BCAS3: variants seen among roughly 807,000 people sequenced by gnomAD.
The protein encoded by BCAS3 is BCAS4/BCAS3 fusion.
Under a neutral mutation model 116.1 loss-of-function variants are expected in BCAS3, and 53 were observed. The ratio of observed to expected loss-of-function variants is 0.46; its 90% CI spans 0.37 to 0.57. BCAS3 has a LOEUF of 0.57. BCAS3 is among the 20% of genes least tolerant of loss of function. The probability of loss-of-function intolerance (pLI) is 0.00; values close to 1 mark genes in which losing one functional copy is unlikely to be tolerated. For missense variants in BCAS3, 917 were observed against 1,165.4 expected (o/e 0.79, Z 3.10); for synonymous variants, 391 against 408.2 (o/e 0.96, Z 0.51).
intron 6 of BCAS3, among the ~76,000 whole-genome samples, chr17:60,793,608 C>T (rs967634926): frequency 2.0e-5 from 3 of 152,050 alleles, no homozygotes; most frequent in African/African-American, 4.8e-5. Context: ...TATGACTTTG[C>T]GTCCTCATAG....
chr17:61,093,217 T>C (rs2073741195), intron 22 of BCAS3, among the ~76,000 whole-genome samples: 1 of 152,142 alleles, frequency 6.6e-6, no homozygotes, highest in Admixed American at 6.5e-5. Flanking sequence ...CCCTCCAGTC[T>C]TGAAGAGATA....
intron 22 of BCAS3, among the ~76,000 whole-genome samples, chr17:61,350,414 C>CAATAAATG (rs1555844783): frequency 3.7e-5 from 5 of 136,760 alleles, no homozygotes; most frequent in South Asian, 2.5e-4. Flanking sequence ...GACTCTGTCT[C>CAATAAATG]AATAAATAAA....
chr17:60,962,340 A>G lies in BCAS3; in HGVS notation c.1221+14988A>G, dbSNP rs2061451101. 6.6e-6 allele frequency among the ~76,000 whole-genome samples: 1 copy of G among 152,172 alleles called. No homozygotes were observed. Among genetic ancestry groups the G allele is most frequent in the Non-Finnish European group, 1.5e-5 (1 of 68,030 alleles). On this transcript the variant is annotated intron_variant, in intron 14 of 23. Coordinates refer to ENST00000407086, the MANE Select transcript of BCAS3 (RefSeq NM_017679.5). This position sits in a 1 kb window ranked among gnomAD's most constrained non-coding sequence, Gnocchi z 4.4. ...GTCTCTTCTCCACATTCTCACCAGC[A>G]TCTTTTATTGATTGTCCTTTTGATA...
At chr17:61,246,117 C>T (rs1005457663) in intron 22 of BCAS3, among the ~76,000 whole-genome samples, 4 of 152,112 alleles carry the variant, frequency 2.6e-5, no homozygotes, top group African/African-American at 7.2e-5. Context: ...GAGAGTCTTA[C>T]AACTATCACG....
chr17:60,881,239 G>T (rs1206738069), intron 9 of BCAS3, among the ~76,000 whole-genome samples: 1 of 152,024 alleles, frequency 6.6e-6, no homozygotes, highest in Non-Finnish European at 1.5e-5. Flanking sequence ...CTCCCAAAGT[G>T]CTGGGATTAC....
chr17:61,231,498 T>C (rs899372967), intron 22 of BCAS3, among the ~76,000 whole-genome samples: 2 of 151,996 alleles, frequency 1.3e-5, no homozygotes, highest in African/African-American at 4.8e-5. Flanking sequence ...TACAAAGCTG[T>C]TTTTAACCCA....
intron 22 of BCAS3, among the ~76,000 whole-genome samples, chr17:61,335,098 G>C (rs2056617616): frequency 6.6e-6 from 1 of 152,202 alleles, no homozygotes; most frequent in African/African-American, 2.4e-5. Flanking sequence ...CTTTCAGCCT[G>C]GTGTCATTTT....
chr17:60,746,438 A>T (rs551749188), intron 5 of BCAS3, among the ~76,000 whole-genome samples: 1 of 152,136 alleles, frequency 6.6e-6, no homozygotes, highest in South Asian at 2.1e-4. Context: ...TTTTAAAAAA[A>T]TTTTTATCCC....
At chr17:60,845,915 T>C (rs1313381133) in intron 7 of BCAS3, among the ~76,000 whole-genome samples, 1 of 151,090 alleles carries the variant, frequency 6.6e-6, no homozygotes, top group East Asian at 2.0e-4. Context: ...CACAGGTATG[T>C]ACCACTGTAC....
chr17:61,272,319 T>C (rs1426412281), intron 22 of BCAS3, among the ~76,000 whole-genome samples: 1 of 151,986 alleles, frequency 6.6e-6, no homozygotes, highest in Non-Finnish European at 1.5e-5. Context: ...ATATTTATGG[T>C]GTTTGTGAGT....
At chr17:60,722,219 G>A (rs1020022017) in intron 5 of BCAS3, among the ~76,000 whole-genome samples, 6 of 152,092 alleles carry the variant, frequency 3.9e-5, no homozygotes, top group East Asian at 1.9e-4. Context: ...TTTGGTGTAC[G>A]TAAACACTCA....
At chr17:60,692,899 AAAG>A (rs1304475825) in intron 4 of BCAS3, among the ~76,000 whole-genome samples, 2 of 150,826 alleles carry the variant, frequency 1.3e-5, no homozygotes. Flanking sequence ...TTTCTCAAAA[AAAG>A]AAAAAAGAAA....
chr17:61,207,605 T>G (rs1196973481), intron 22 of BCAS3, among the ~76,000 whole-genome samples: 1 of 152,018 alleles, frequency 6.6e-6, no homozygotes, highest in African/African-American at 2.4e-5. Flanking sequence ...GTCTAACTTT[T>G]TTTGCATTTA....
At chr17:61,069,273 G>A (rs1348385524) in intron 19 of BCAS3, among the ~76,000 whole-genome samples, 1 of 152,146 alleles carries the variant, frequency 6.6e-6, no homozygotes, top group Non-Finnish European at 1.5e-5. Context: ...TTGCGATAGG[G>A]AAGGTACAGT....
Position 61,256,456 on chromosome 17 carries a change from A to AC in BCAS3, c.2426-111869dup, listed in dbSNP as rs1225985792. 6.6e-6 allele frequency among the ~76,000 whole-genome samples: 1 copy of AC among 152,088 alleles called. No homozygotes were observed. Among genetic ancestry groups the AC allele is most frequent in the African/African-American group, 2.4e-5 (1 of 41,418 alleles). ...GTAGCTGGGATTACAGGCGTGGGCC[A>AC]CCATACCTGGCTAATTTTTGTATTT... On this transcript the variant is annotated intron_variant, in intron 22 of 23. Coordinates refer to ENST00000407086, the MANE Select transcript of BCAS3 (RefSeq NM_017679.5). This position sits in a 1 kb window ranked among gnomAD's most constrained non-coding sequence, Gnocchi z 5.6.
chr17:60,757,860 C>CAT (rs892830790), intron 6 of BCAS3, among the ~76,000 whole-genome samples: 4 of 151,806 alleles, frequency 2.6e-5, no homozygotes, highest in East Asian at 1.9e-4. Context: ...AAGTGTTTTC[C>CAT]ATATATATAT....
At chr17:60,708,761 C>A (rs571063968) in intron 4 of BCAS3, among the ~76,000 whole-genome samples, 4 of 152,244 alleles carry the variant, frequency 2.6e-5, no homozygotes, top group African/African-American at 9.6e-5. Flanking sequence ...AACTCCTGAC[C>A]TCATGATCTG....
chr17:60,825,251 T>C (rs1195447142), intron 7 of BCAS3, among the ~76,000 whole-genome samples: 1 of 152,004 alleles, frequency 6.6e-6, no homozygotes, highest in East Asian at 1.9e-4. Context: ...TGTGGTTTTA[T>C]TTAATGATGA....
At chr17:60,923,078 A>T (rs1208401292) in intron 12 of BCAS3, among the ~76,000 whole-genome samples, 1 of 152,206 alleles carries the variant, frequency 6.6e-6, no homozygotes, top group Non-Finnish European at 1.5e-5. Flanking sequence ...TGAAGCAAAT[A>T]ATAAAGATCT....
Sources: allele counts gnomAD v4.1 joint callset (sites outside exome capture counted in the v4.1 genomes callset), GRCh38; gene constraint gnomAD v4.1.1; non-coding constraint Gnocchi (gnomAD v3.1); transcripts MANE v1.5; gene names NCBI Gene and HGNC (gene_info 2026-07-23, HGNC 2026-07-21).